The following MEGF10 variants were observed in gnomAD, a reference collection of about 807,000 sequenced individuals.
The protein encoded by MEGF10 is multiple epidermal growth factor-like domains protein 10.
In MEGF10, 86 loss-of-function variants were observed where a neutral mutation model predicts 147.5. The ratio of observed to expected loss-of-function variants is 0.58; its 90% CI spans 0.49 to 0.70. The LOEUF (loss-of-function observed/expected upper bound fraction) is 0.70. MEGF10 is among the 30% of genes least tolerant of loss of function. The probability of loss-of-function intolerance (pLI) is 0.00; values close to 1 mark genes in which losing one functional copy is unlikely to be tolerated. For missense variants in MEGF10, 1,329 were observed against 1,487.3 expected, an observed-to-expected ratio of 0.89 and a Z score of 1.75; for synonymous variants, 478 against 525.5, an observed-to-expected ratio of 0.91 and a Z score of 1.24.
At chr5:127,376,469 A>C (rs1043215980) in intron 5 of MEGF10, among the ~76,000 whole-genome samples, 1 of 152,126 alleles carries the variant, frequency 6.6e-6, no homozygotes, top group African/African-American at 2.4e-5. Flanking sequence ...TCCCAATAGA[A>C]TGAGGAAGAA....
chr5:127,446,149 A>G (rs1322225397), intron 20 of MEGF10, among the ~76,000 whole-genome samples: 1 of 152,230 alleles, frequency 6.6e-6, no homozygotes, highest in Admixed American at 6.5e-5. Context: ...GAACAAAGTT[A>G]TATCAGAAAC....
At position 127,420,076 on chromosome 5, in the gene MEGF10, C is replaced by T; in HGVS notation, c.1459C>T (p.Pro487Ser). The T allele has an allele frequency of 6.2e-7, 1 of 1,614,184 alleles. No individual in the cohort carries two copies. The highest frequency in any genetic ancestry group is 1.3e-5 in the African/African-American group (1 of 75,050). ...CGGGGTGGACTGCTCCATCAGATGT[C>T]CCAGTGGCACATGGGGCTTTGGCTG... Reference protein sequence around the residue: ...WHGVDCSIRCPSGTWGFGCNL... With the variant: ...WHGVDCSIRCSSGTWGFGCNL... The change falls in exon 12 of 25, where the codon CCC becomes TCC. Residue 487 changes from proline to serine, a missense_variant. Coordinates refer to ENST00000503335, the MANE Select transcript of MEGF10 (RefSeq NM_001256545.2).
At chr5:127,293,966 A>G (rs762822208) in intron 1 of MEGF10, among the ~76,000 whole-genome samples, 4 of 152,162 alleles carry the variant, frequency 2.6e-5, no homozygotes, top group Non-Finnish European at 2.9e-5. Flanking sequence ...TCCAGCTCCC[A>G]CTGATCTTGA....
At chr5:127,336,143 GT>G (rs1298779502) in intron 2 of MEGF10, among the ~76,000 whole-genome samples, 2 of 151,206 alleles carry the variant, frequency 1.3e-5, no homozygotes, top group African/African-American at 4.9e-5. Context: ...AGTTAAATTA[GT>G]TGTACTATAG....
the MEGF10 span, among the ~76,000 whole-genome samples, chr5:127,240,773 G>A: frequency 6.6e-6 from 1 of 152,172 alleles, no homozygotes; most frequent in East Asian, 1.9e-4. Context: ...TCAACTCACA[G>A]GAGGATGTTG....
chr5:127,267,138 T>C, the MEGF10 span, among the ~76,000 whole-genome samples: 3 of 152,260 alleles, frequency 2.0e-5, no homozygotes, highest in African/African-American at 7.2e-5. Flanking sequence ...TGAAGGGATG[T>C]TGAATTTTGT....
chr5:127,336,897 T>C (rs1209069347), intron 2 of MEGF10, among the ~76,000 whole-genome samples: 1 of 152,146 alleles, frequency 6.6e-6, no homozygotes, highest in Non-Finnish European at 1.5e-5. Flanking sequence ...ACCAGTTGTA[T>C]ACACAGAGGA....
rs1766471145 is a variant in MEGF10 at position 127,459,135 on chromosome 5, G to T, written c.*1817G>T. 1 of 152,184 alleles carries T rather than the reference G, an allele frequency of 6.6e-6. No individual in the cohort carries two copies. Among genetic ancestry groups the T allele is most frequent in the Admixed American group, 6.5e-5 (1 of 15,278 alleles). 9.4% of individuals were successfully genotyped at this position (152,184 alleles called of 1,614,324 possible). A position where few individuals can be genotyped will look rare whatever the true frequency, so the allele number is the denominator to read the frequency against. On this transcript the variant is annotated 3_prime_UTR_variant, in exon 25 of 25. Coordinates refer to ENST00000503335, the MANE Select transcript of MEGF10 (RefSeq NM_001256545.2). ...TGAGTCAGTTAACAAATACGTATGT[G>T]CAACCCTTCTGCTAGTAGTGCACAT...
chr5:127,300,075 T>A (rs561499222), intron 1 of MEGF10: 1 of 152,358 alleles, frequency 6.6e-6, no homozygotes, highest in Non-Finnish European at 1.5e-5. Context: ...TTCATTATGT[T>A]TTCATTCCCC....
chr5:127,390,359 G>A (rs886814915), intron 5 of MEGF10, among the ~76,000 whole-genome samples: 2 of 151,586 alleles, frequency 1.3e-5, no homozygotes, highest in African/African-American at 4.8e-5. Context: ...GAGCAATCAC[G>A]ACTCACTGCA....
the MEGF10 span, among the ~76,000 whole-genome samples, chr5:127,244,690 A>G: frequency 6.6e-6 from 1 of 152,206 alleles, no homozygotes; most frequent in Non-Finnish European, 1.5e-5. Flanking sequence ...AGAAAACCTG[A>G]GAGAAAATGT....
intron 4 of MEGF10, among the ~76,000 whole-genome samples, chr5:127,365,283 G>GATT (rs1446739766): frequency 6.6e-6 from 1 of 152,122 alleles, no homozygotes; most frequent in African/African-American, 2.4e-5. Context: ...AGATATAATT[G>GATT]ATTTATAAAG....
the MEGF10 span, among the ~76,000 whole-genome samples, chr5:127,241,997 T>G: frequency 6.6e-6 from 1 of 152,128 alleles, no homozygotes; most frequent in East Asian, 1.9e-4. Context: ...TGGGAGATGC[T>G]TCCACTTAGT....
the MEGF10 span, among the ~76,000 whole-genome samples, chr5:127,253,040 TTAAAA>T: frequency 5.9e-5 from 9 of 151,900 alleles, no homozygotes; most frequent in Admixed American, 2.0e-4. Context: ...ATACAAACAT[TTAAAA>T]TAAAGTGCTG....
intron 1 of MEGF10, among the ~76,000 whole-genome samples, chr5:127,320,385 A>G (rs1317200036): frequency 6.6e-6 from 1 of 152,106 alleles, no homozygotes; most frequent in South Asian, 2.1e-4. Flanking sequence ...GGAAAATGAC[A>G]CTCGATTTCC....
chr5:127,422,583 G>A, intron 12 of MEGF10, 87 bp from the exon 13 acceptor site: 1 of 971,048 alleles, frequency 1.0e-6, no homozygotes. Context: ...GGTACTGTAT[G>A]TGAAATGGCT....
At chr5:127,328,358 C>T (rs996133571) in intron 1 of MEGF10, among the ~76,000 whole-genome samples, 10 of 152,188 alleles carry the variant, frequency 6.6e-5, no homozygotes, top group African/African-American at 2.2e-4. Flanking sequence ...TACACACATA[C>T]ATCCACACAT....
chr5:127,439,465 T>C lies in MEGF10; in HGVS notation c.2233+898T>C, dbSNP rs911148636. On this transcript the variant is annotated intron_variant, in intron 17 of 24. Transcript: ENST00000503335. ...ATAATTAAAGAATAGGCTGAAAAAGTCTTAGAAACTTTCTAGAAGATAATG... is the reference window on the plus strand; with the variant it reads ...ATAATTAAAGAATAGGCTGAAAAAGCCTTAGAAACTTTCTAGAAGATAATG... 3.9e-5 allele frequency among the ~76,000 whole-genome samples: 6 copies of C among 152,320 alleles called. 1 individual carries two copies. The highest frequency in any genetic ancestry group is 1.4e-4 in the African/African-American group (6 of 41,562).
Position 127,396,514 on chromosome 5 carries a change from TTCTC to T in MEGF10, c.413-15_413-12del. Reference sequence around the variant, plus strand: ...TCCCTTACCCACTGATATCCACTGTTTCTCTCCTCAATCTCAGCCTGCGATGGTG... The same window carrying T: ...TCCCTTACCCACTGATATCCACTGTTTCCTCAATCTCAGCCTGCGATGGTG... On this transcript the variant is annotated splice_polypyrimidine_tract_variant and intron_variant, in intron 5 of 24. Coordinates refer to ENST00000503335, the MANE Select transcript of MEGF10 (RefSeq NM_001256545.2). The T allele has an allele frequency of 2.0e-6, 3 of 1,512,146 alleles. No individual in the cohort carries two copies. Among genetic ancestry groups the T allele is most frequent in the Non-Finnish European group, 2.7e-6 (3 of 1,127,532 alleles). The allele number at this position is 1,512,146 out of a possible 1,614,324, so 93.7% of individuals were successfully genotyped here. A position where few individuals can be genotyped will look rare whatever the true frequency, so the allele number is the denominator to read the frequency against.
Sources: gnomAD v4.1 joint callset for allele counts (sites outside exome capture counted in the v4.1 genomes callset) on GRCh38, gnomAD v4.1.1 for gene constraint, MANE v1.5 for transcripts, NCBI Gene and HGNC (gene_info 2026-07-23, HGNC 2026-07-21) for gene names.